CTNNA3: variants seen among roughly 807,000 people sequenced by gnomAD.
The protein encoded by CTNNA3 is catenin alpha 3.
In CTNNA3, 76 loss-of-function variants were observed where a neutral mutation model predicts 95.7. The observed-to-expected ratio is 0.79, with a 90% CI of 0.66 to 0.96. The LOEUF (loss-of-function observed/expected upper bound fraction) is 0.96, where lower values mean the gene tolerates loss of function less well. Among genes scored for constraint, CTNNA3 ranks in the 40% least tolerant of loss-of-function variants. The probability of loss-of-function intolerance (pLI) is 0.00; values close to 1 mark genes in which losing one functional copy is unlikely to be tolerated. For missense variants in CTNNA3, 1,191 were observed against 1,089.8 expected, an observed-to-expected ratio of 1.09 and a Z score of -1.31; for synonymous variants, 431 against 374.4, an observed-to-expected ratio of 1.15 and a Z score of -1.74.
chr10:66,242,255 A>C (rs2132041729), intron 13 of CTNNA3, among the ~76,000 whole-genome samples: 1 of 152,308 alleles, frequency 6.6e-6, no homozygotes, highest in South Asian at 2.1e-4. Context: ...GTATCCTGTT[A>C]CCTGAAACAA....
At chr10:67,244,199 T>A (rs2132339194) in intron 5 of CTNNA3, among the ~76,000 whole-genome samples, 1 of 152,316 alleles carries the variant, frequency 6.6e-6, no homozygotes, top group Non-Finnish European at 1.5e-5. Context: ...TCTTCAAAGT[T>A]TTCTGGTCTA....
chr10:66,075,918 TTCTC>T (rs1431689141), intron 14 of CTNNA3, among the ~76,000 whole-genome samples: 1 of 151,732 alleles, frequency 6.6e-6, no homozygotes, highest in Non-Finnish European at 1.5e-5. Context: ...CTTTGCTAAT[TTCTC>T]TATCCATGAA....
intron 17 of CTNNA3, among the ~76,000 whole-genome samples, chr10:65,921,767 T>G (rs2077090381): frequency 6.6e-6 from 1 of 152,222 alleles, no homozygotes; most frequent in Non-Finnish European, 1.5e-5. Context: ...TCCAGTAACC[T>G]TTTTGGTAAA....
chr10:65,943,821 T>C lies in CTNNA3; in HGVS notation c.2400+22791A>G, dbSNP rs922608482. Among the ~76,000 whole-genome samples the C allele has an allele frequency of 2.6e-5, 4 of 152,282 alleles. No homozygotes were observed. In the East Asian group the frequency reaches 5.8e-4, roughly 22 times the overall value. ...CCTTTCATGAGACATAGCCCCATCA[T>C]TTGTAAAATGGAGATAAAAGTATCT... On this transcript the variant is annotated intron_variant, in intron 17 of 17. Coordinates refer to ENST00000433211, the MANE Select transcript of CTNNA3 (RefSeq NM_013266.4).
chr10:66,858,736 C>A (rs1431416825), intron 7 of CTNNA3, among the ~76,000 whole-genome samples: 1 of 151,804 alleles, frequency 6.6e-6, no homozygotes, highest in Non-Finnish European at 1.5e-5. Flanking sequence ...GCGGTAATGT[C>A]CCTTTGTCAG....
chr10:67,499,733 G>A (rs535896852), intron 5 of CTNNA3, among the ~76,000 whole-genome samples: 6 of 152,292 alleles, frequency 3.9e-5, no homozygotes, highest in African/African-American at 1.4e-4. Flanking sequence ...GGGGTTTATA[G>A]TATTCTCTGA....
chr10:66,063,296 A>ATC (rs200628758), intron 15 of CTNNA3, among the ~76,000 whole-genome samples: 3 of 124,260 alleles, frequency 2.4e-5, no homozygotes, highest in Non-Finnish European at 3.7e-5. Context: ...GTATGTATAA[A>ATC]TCTCTCTCTC....
chr10:66,645,222 T>C (rs983145430), intron 9 of CTNNA3, among the ~76,000 whole-genome samples: 2 of 152,276 alleles, frequency 1.3e-5, no homozygotes, highest in African/African-American at 2.4e-5. Flanking sequence ...GAAGTCTAAT[T>C]CATCAATTTT....
chr10:67,546,470 A>C (rs1840846117), intron 3 of CTNNA3, among the ~76,000 whole-genome samples: 1 of 152,164 alleles, frequency 6.6e-6, no homozygotes, highest in African/African-American at 2.4e-5. Flanking sequence ...AAATACACAA[A>C]ATATATTCCT....
rs571326680 is a variant in CTNNA3, at chr10:66,594,085, G to A, written c.1374+27607C>T. On this transcript the variant is annotated intron_variant, in intron 10 of 17. Coordinates refer to ENST00000433211, the MANE Select transcript of CTNNA3 (RefSeq NM_013266.4). ...GTATCTGAAACAATACTGACCAAAC[G>A]GAATTTGTTTCTCCCCTGCACCTCA... 5.9e-5 allele frequency among the ~76,000 whole-genome samples: 9 copies of A among 152,106 alleles called. No individual in the cohort carries two copies. In the East Asian group the frequency reaches 1.6e-3, roughly 26 times the overall value.
intron 7 of CTNNA3, among the ~76,000 whole-genome samples, chr10:66,944,952 C>T (rs1253803584): frequency 6.6e-6 from 1 of 152,156 alleles, no homozygotes; most frequent in African/African-American, 2.4e-5. Context: ...GCTATAAACA[C>T]ATGTGCTATC....
intron 17 of CTNNA3, among the ~76,000 whole-genome samples, chr10:65,965,144 A>G (rs1234625980): frequency 6.6e-6 from 1 of 152,176 alleles, no homozygotes; most frequent in East Asian, 1.9e-4. Context: ...ACCATCTTAT[A>G]ATTTCCAAAT....
At chr10:66,662,239 T>C (rs888460744) in intron 9 of CTNNA3, among the ~76,000 whole-genome samples, 13 of 152,298 alleles carry the variant, frequency 8.5e-5, no homozygotes, top group Admixed American at 7.8e-4. Context: ...AATGGAGACA[T>C]TGGTATCCTT....
intron 5 of CTNNA3, among the ~76,000 whole-genome samples, chr10:67,237,436 A>ATGGCGCAGTGTATGGCGCAGTG (rs1865537324): frequency 2.0e-5 from 3 of 151,746 alleles, no homozygotes; most frequent in Non-Finnish European, 2.9e-5. Flanking sequence ...GGCGCAGTGT[A>ATGGCGCAGTGTATGGCGCAGTG]TACCGCTCAG....
At chr10:66,751,432 A>G (rs1183992931) in intron 9 of CTNNA3, among the ~76,000 whole-genome samples, 1 of 152,190 alleles carries the variant, frequency 6.6e-6, no homozygotes, top group African/African-American at 2.4e-5. Flanking sequence ...CAATCATGTC[A>G]TCTACAAACG....
chr10:66,953,836 G>C (rs1264134216), intron 7 of CTNNA3, among the ~76,000 whole-genome samples: 1 of 152,026 alleles, frequency 6.6e-6, no homozygotes, highest in Admixed American at 6.6e-5. Flanking sequence ...AGAGACACTG[G>C]TCAGTTCAAA....
rs1841382656 is a variant in CTNNA3 at position 67,322,883 on chromosome 10, T to C, written c.580-103013A>G. Among the ~76,000 whole-genome samples the C allele has an allele frequency of 2.0e-5, 3 of 152,262 alleles. No individual in the cohort carries two copies. In the South Asian group the frequency reaches 6.2e-4, roughly 32 times the overall value. Reference sequence around the variant, plus strand: ...TTCTCTACAATCTCACCAACATCTATTATATTTGGACTTTTTAACAATAGC... The same window carrying C: ...TTCTCTACAATCTCACCAACATCTACTATATTTGGACTTTTTAACAATAGC... On this transcript the variant is annotated intron_variant, in intron 5 of 17. Transcript: ENST00000433211.
intron 13 of CTNNA3, among the ~76,000 whole-genome samples, chr10:66,214,857 G>C (rs1055008504): frequency 6.6e-6 from 1 of 151,926 alleles, no homozygotes; most frequent in Admixed American, 6.6e-5. Context: ...GGGTAGAGGA[G>C]ACTCTCAGTA....
At chr10:66,420,660 G>A (rs1177369531) in intron 11 of CTNNA3, among the ~76,000 whole-genome samples, 1 of 151,950 alleles carries the variant, frequency 6.6e-6, no homozygotes, top group African/African-American at 2.4e-5. Flanking sequence ...TTAGCCGGGC[G>A]TGATGGCATG....
Sources: gnomAD v4.1 joint callset for allele counts (sites outside exome capture counted in the v4.1 genomes callset) on GRCh38, gnomAD v4.1.1 for gene constraint, MANE v1.5 for transcripts, NCBI Gene and HGNC (gene_info 2026-07-23, HGNC 2026-07-21) for gene names.